The following SPARCL1 variants were observed in gnomAD, a reference collection of about 807,000 sequenced individuals.
The protein encoded by SPARCL1 is SPARC-like protein 1.
A neutral mutation model predicts 67.1 loss-of-function variants in SPARCL1; 52 were observed. That is an observed-to-expected ratio of 0.78 (90% CI 0.62 to 0.98). The LOEUF is 0.98. SPARCL1 is among the 50% of genes least tolerant of loss of function. The pLI is 0.00. For missense variants in SPARCL1, 717 were observed against 782.4 expected (o/e 0.92, Z 1.00); for synonymous variants, 226 against 267.8 (o/e 0.84, Z 1.52).
intron 1 of SPARCL1, among the ~76,000 whole-genome samples, chr4:87,521,312 A>G (rs1217111379): frequency 6.6e-6 from 1 of 152,050 alleles, no homozygotes; most frequent in Non-Finnish European, 1.5e-5. Flanking sequence ...TCTTCTTTCT[A>G]TCTTCCTTCT....
chr4:87,509,455 T>C (rs964591546), intron 1 of SPARCL1, among the ~76,000 whole-genome samples: 1 of 152,174 alleles, frequency 6.6e-6, no homozygotes, highest in Non-Finnish European at 1.5e-5. Context: ...AACTACTGTA[T>C]AGAGATGACC....
chr4:87,474,977 C>T (rs954898001), intron 10 of SPARCL1, among the ~76,000 whole-genome samples: 6 of 152,088 alleles, frequency 3.9e-5, no homozygotes, highest in East Asian at 1.9e-4. Flanking sequence ...CTCTTGAACT[C>T]GTGATCCGCC....
At chr4:87,490,231 C>T (rs1265993317) in intron 7 of SPARCL1, 42 bp downstream of exon 7, 3 of 1,571,476 alleles carry the variant, frequency 1.9e-6, no homozygotes, top group Non-Finnish European at 2.6e-6. Context: ...TCACCCCAAG[C>T]CCTCTCAGAG....
chr4:87,500,894 T>C (rs1178325494), intron 1 of SPARCL1, among the ~76,000 whole-genome samples: 1 of 152,238 alleles, frequency 6.6e-6, no homozygotes, highest in Non-Finnish European at 1.5e-5. Flanking sequence ...TTCATGACAA[T>C]GTAAATATTC....
At chr4:87,479,679 A>G in intron 9 of SPARCL1, 101 bp from the exon 10 acceptor site, 1 of 1,072,448 alleles carries the variant, frequency 9.3e-7, no homozygotes, top group Non-Finnish European at 1.4e-6. Context: ...AGGTTGCTGT[A>G]TATGTGATAT....
intron 1 of SPARCL1, among the ~76,000 whole-genome samples, chr4:87,525,162 CAAAAAA>C (rs137937525): frequency 7.2e-6 from 1 of 138,250 alleles, no homozygotes; most frequent in Non-Finnish European, 1.6e-5. Context: ...GACTCTGTCT[CAAAAAA>C]AAAAAAAATA....
At chr4:87,473,848 A>G in intron 10 of SPARCL1, 45 bp from the exon 11 acceptor site, 1 of 1,351,534 alleles carries the variant, frequency 7.4e-7, no homozygotes, top group South Asian at 1.2e-5. Flanking sequence ...GAAAGTAGCC[A>G]GAGTAGTAGC....
chr4:87,482,639 C>T (rs974829799), intron 7 of SPARCL1, 79 bp from the exon 8 acceptor site: 7 of 1,507,310 alleles, frequency 4.6e-6, no homozygotes, highest in African/African-American at 1.4e-5. Flanking sequence ...GGAAGCTTAA[C>T]GACTTCTGGC....
chr4:87,494,650 T>C, intron 3 of SPARCL1, 52 bp from the exon 4 acceptor site: 1 of 1,386,572 alleles, frequency 7.2e-7, no homozygotes, highest in South Asian at 1.4e-5. Context: ...GTAACCATAT[T>C]TATGCCTAAG....
At chr4:87,489,566 T>C (rs1019351736) in intron 7 of SPARCL1, among the ~76,000 whole-genome samples, 7 of 152,194 alleles carry the variant, frequency 4.6e-5, no homozygotes, top group African/African-American at 1.7e-4. Flanking sequence ...TTGCCATTTT[T>C]TGAGGCCACT....
chr4:87,490,209 G>C lies in SPARCL1; in HGVS notation c.1531+64C>G, dbSNP rs1019419967. 5 of 1,493,720 alleles carry C rather than the reference G, an allele frequency of 3.3e-6. No individual in the cohort carries two copies. The Admixed American group carries it at 9.2e-5, about 27-fold the overall frequency. The allele number at this position is 1,493,720 out of a possible 1,614,324, so 92.5% of individuals were successfully genotyped here. On this transcript the variant is annotated intron_variant, in intron 7 of 10. Coordinates refer to ENST00000282470, the MANE Select transcript of SPARCL1 (RefSeq NM_004684.6). The stretch of plus-strand genomic sequence containing the variant: ...CCCTGTTTGCATATAGATAATTCAG[G>C]CATGTCCAGATTCACCCCAAGCCCT...
chr4:87,485,878 G>A (rs1458549435), intron 7 of SPARCL1, among the ~76,000 whole-genome samples: 3 of 151,998 alleles, frequency 2.0e-5, no homozygotes, highest in African/African-American at 7.2e-5. Context: ...ATTCTCTGAT[G>A]GTAGTTTGTA....
intron 1 of SPARCL1, among the ~76,000 whole-genome samples, chr4:87,527,515 A>G (rs905488138): frequency 6.6e-6 from 1 of 152,204 alleles, no homozygotes; most frequent in Admixed American, 6.5e-5. Flanking sequence ...AATGAAATAA[A>G]TAATGTTTTC....
In SPARCL1 at chr4:87,493,660, G is replaced by A. The variant is rs1724453344; in HGVS notation, c.1140C>T (p.His380=). 6.2e-7 allele frequency: 1 copy of A among 1,613,924 alleles called. No individual in the cohort carries two copies. Among genetic ancestry groups the A allele is most frequent in the African/African-American group, 1.3e-5 (1 of 74,880 alleles). ...TTTCTCTTTGCTCCTCAATTTTGAG[G>A]TGATAGGCAATGGATTGAGCTCTCT... is the stretch of plus-strand genomic sequence containing the variant. ...EAERAQSIAY[H]LKIEEQREKV... The change falls in exon 4 of 11, where the codon CAC becomes CAT. Residue 380 remains histidine (H), a synonymous_variant. Coordinates refer to ENST00000282470, the MANE Select transcript of SPARCL1 (RefSeq NM_004684.6).
At chr4:87,505,880 T>C (rs1725052204) in intron 1 of SPARCL1, among the ~76,000 whole-genome samples, 3 of 152,128 alleles carry the variant, frequency 2.0e-5, no homozygotes, top group South Asian at 4.1e-4. Context: ...ATCAGTATGT[T>C]ATTACTATTC....
intron 7 of SPARCL1, among the ~76,000 whole-genome samples, chr4:87,489,676 C>T (rs1403663884): frequency 6.6e-6 from 1 of 152,148 alleles, no homozygotes; most frequent in East Asian, 1.9e-4. Flanking sequence ...TGACTTTTTT[C>T]ACATTTCCCT....
intron 1 of SPARCL1, among the ~76,000 whole-genome samples, chr4:87,523,744 C>T (rs888593785): frequency 6.6e-6 from 1 of 152,112 alleles, no homozygotes; most frequent in Admixed American, 6.5e-5. Flanking sequence ...ATTAAAGTAA[C>T]ATATTAAATA....
At chr4:87,500,500 T>C (rs1416633880) in intron 1 of SPARCL1, among the ~76,000 whole-genome samples, 2 of 152,128 alleles carry the variant, frequency 1.3e-5, no homozygotes, top group Non-Finnish European at 2.9e-5. Flanking sequence ...CTAAGTCTGG[T>C]AGTCTGACCT....
chr4:87,509,063 A>G (rs1035403184), intron 1 of SPARCL1, among the ~76,000 whole-genome samples: 5 of 148,406 alleles, frequency 3.4e-5, no homozygotes, highest in African/African-American at 9.8e-5. Flanking sequence ...CTATATATGT[A>G]TATACTAATA....
Sources: gnomAD v4.1 joint callset for allele counts (sites outside exome capture counted in the v4.1 genomes callset) on GRCh38, gnomAD v4.1.1 for gene constraint, MANE v1.5 for transcripts, NCBI Gene and HGNC (gene_info 2026-07-23, HGNC 2026-07-21) for gene names.